NFIB: variants seen among roughly 807,000 people sequenced by gnomAD.
NFIB encodes the protein nuclear factor 1 B-type.
A neutral mutation model predicts 61.5 loss-of-function variants in NFIB; 11 were observed. The observed-to-expected ratio is 0.18, with a 90% CI of 0.11 to 0.30. The LOEUF (loss-of-function observed/expected upper bound fraction) is 0.30, where lower values mean the gene tolerates loss of function less well. Ranked by LOEUF, NFIB falls within the 10% of genes least tolerant of loss-of-function variation. NFIB has a pLI of 1.00. For synonymous variants in NFIB, 260 were observed against 216.5 expected, an observed-to-expected ratio of 1.20 and a Z score of -1.76; for missense variants, 471 against 608.9, an observed-to-expected ratio of 0.77 and a Z score of 2.38.
intron 2 of NFIB, among the ~76,000 whole-genome samples, chr9:14,260,874 C>A (rs2056683309): frequency 6.6e-6 from 1 of 152,018 alleles, no homozygotes; most frequent in African/African-American, 2.4e-5. Flanking sequence ...GGGAGCTACA[C>A]AGATGGTGGC....
chr9:14,227,616 A>C (rs892796193), intron 2 of NFIB, among the ~76,000 whole-genome samples: 3 of 152,208 alleles, frequency 2.0e-5, no homozygotes, highest in African/African-American at 7.2e-5. Context: ...TTTTTAAAAA[A>C]AATTTATTTT....
At chr9:14,444,335 A>C in the NFIB span, among the ~76,000 whole-genome samples, 1 of 152,234 alleles carries the variant, frequency 6.6e-6, no homozygotes. Context: ...AACATAGATC[A>C]TCAAACCAGA....
the NFIB span, among the ~76,000 whole-genome samples, chr9:14,477,064 C>T: frequency 1.3e-5 from 2 of 152,266 alleles, no homozygotes; most frequent in Non-Finnish European, 1.5e-5. Flanking sequence ...AAGTGCTCAT[C>T]TTGAGTTCAA....
chr9:14,492,824 G>A, the NFIB span, among the ~76,000 whole-genome samples: 8 of 152,156 alleles, frequency 5.3e-5, no homozygotes, highest in Non-Finnish European at 1.2e-4. Context: ...AGGTAAAGAG[G>A]CTAAGGGCCA....
At chr9:14,478,162 G>C in the NFIB span, among the ~76,000 whole-genome samples, 1 of 152,098 alleles carries the variant, frequency 6.6e-6, no homozygotes, top group Non-Finnish European at 1.5e-5. Context: ...TTCACACAAA[G>C]CATTAGTGAC....
the NFIB span, among the ~76,000 whole-genome samples, chr9:14,527,779 G>T: frequency 2.0e-5 from 3 of 152,028 alleles, no homozygotes; most frequent in African/African-American, 4.8e-5. Flanking sequence ...GTATGGTATG[G>T]TATCTATTAG....
intron 10 of NFIB, among the ~76,000 whole-genome samples, chr9:14,099,621 C>T (rs977975048): frequency 3.3e-5 from 5 of 152,218 alleles, no homozygotes; most frequent in African/African-American, 1.2e-4. Context: ...TTCTGAACTG[C>T]ATCACACCTA....
chr9:14,088,640 T>C (rs188259823), intron 10 of NFIB, among the ~76,000 whole-genome samples: 1 of 152,214 alleles, frequency 6.6e-6, no homozygotes, highest in Non-Finnish European at 1.5e-5. Context: ...TCAATATAAA[T>C]GCAATATCAT....
chr9:14,496,102 A>T, the NFIB span, among the ~76,000 whole-genome samples: 57 of 152,324 alleles, frequency 3.7e-4, no homozygotes, highest in African/African-American at 1.3e-3. Context: ...GCACTCAATA[A>T]ATACAATCTA....
chr9:14,175,084 C>G (rs2046012763), intron 3 of NFIB, among the ~76,000 whole-genome samples: 1 of 151,184 alleles, frequency 6.6e-6, no homozygotes, highest in East Asian at 1.9e-4. Flanking sequence ...TTTATGACAA[C>G]CTTCTGTTGG....
intron 2 of NFIB, among the ~76,000 whole-genome samples, chr9:14,186,376 G>A (rs1291815154): frequency 2.0e-5 from 3 of 152,066 alleles, no homozygotes; most frequent in African/African-American, 4.8e-5. Context: ...AATACCATGA[G>A]ATTTTTTTTA....
chr9:14,357,001 C>T (rs1414086966), intron 1 of NFIB, among the ~76,000 whole-genome samples: 1 of 152,202 alleles, frequency 6.6e-6, no homozygotes, highest in East Asian at 1.9e-4. Context: ...TACTGGCTAA[C>T]TGAAGAGTGT....
chr9:14,410,057 G>C, the NFIB span, among the ~76,000 whole-genome samples: 1 of 152,028 alleles, frequency 6.6e-6, no homozygotes, highest in African/African-American at 2.4e-5. Context: ...GGGATATAGG[G>C]GGTGAGGGGC....
At chr9:14,409,194 G>C in the NFIB span, among the ~76,000 whole-genome samples, 3 of 152,290 alleles carry the variant, frequency 2.0e-5, no homozygotes, top group South Asian at 6.2e-4. Flanking sequence ...TAACTAGGAA[G>C]TGATGAGTTT....
chr9:14,122,752 T>C (rs547634503), intron 7 of NFIB, among the ~76,000 whole-genome samples: 3 of 152,294 alleles, frequency 2.0e-5, no homozygotes, highest in South Asian at 2.1e-4. Context: ...GCTTTTGAGA[T>C]TAATTTGGCC....
the NFIB span, among the ~76,000 whole-genome samples, chr9:14,473,369 A>C: frequency 3.3e-5 from 5 of 152,152 alleles, no homozygotes; most frequent in African/African-American, 9.7e-5. Flanking sequence ...GGATCTTCTT[A>C]TTGAATTATT....
chr9:14,152,010 T>C (rs765087836), intron 4 of NFIB, among the ~76,000 whole-genome samples: 17 of 152,162 alleles, frequency 1.1e-4, no homozygotes, highest in Non-Finnish European at 1.6e-4. Context: ...CTTTGAATTG[T>C]ATTTTAATAT....
In NFIB at chr9:14,185,374, T is replaced by G. The variant is rs141868441; in HGVS notation, c.563-5594A>C. Among the ~76,000 whole-genome samples the G allele has an allele frequency of 2.0e-5, 3 of 152,286 alleles. No homozygotes were observed. The East Asian group carries it at 5.8e-4, about 29-fold the overall frequency. Reference sequence around the variant, plus strand: ...CATCTGCTAAAACCTTTACATATATTCTGAAAATAGTATGCCATTCATGGC... The same window carrying G: ...CATCTGCTAAAACCTTTACATATATGCTGAAAATAGTATGCCATTCATGGC... On this transcript the variant is annotated intron_variant, in intron 2 of 10. Transcript: ENST00000380953.
At chr9:14,263,532 A>T (rs2056963414) in intron 2 of NFIB, among the ~76,000 whole-genome samples, 1 of 152,214 alleles carries the variant, frequency 6.6e-6, no homozygotes, top group Admixed American at 6.5e-5. Flanking sequence ...AGAGAGTTCA[A>T]GTGCAGCTTT....
Sources: gnomAD v4.1 joint callset for allele counts (sites outside exome capture counted in the v4.1 genomes callset) on GRCh38, gnomAD v4.1.1 for gene constraint, MANE v1.5 for transcripts, NCBI Gene and HGNC (gene_info 2026-07-23, HGNC 2026-07-21) for gene names.